PTAFR: variants seen among roughly 807,000 people sequenced by gnomAD.
The protein encoded by PTAFR is platelet activating factor receptor, also known as platelet-activating factor receptor.
A neutral mutation model predicts 14.7 loss-of-function variants in PTAFR; 8 were observed. The ratio of observed to expected loss-of-function variants is 0.54; its 90% confidence interval spans 0.32 to 0.98. The LOEUF (loss-of-function observed/expected upper bound fraction) is 0.98. Among genes scored for constraint, PTAFR ranks in the 50% least tolerant of loss-of-function variants. PTAFR has a pLI of 0.04. For synonymous variants in PTAFR, 156 were observed against 176.5 expected (o/e 0.88, Z 0.92); for missense variants, 337 against 451.2 (o/e 0.75, Z 2.29).
At chr1:28,169,865 T>C (rs1646432875) in intron 1 of PTAFR, among the ~76,000 whole-genome samples, 1 of 152,236 alleles carries the variant, frequency 6.6e-6, no homozygotes, top group South Asian at 2.1e-4. Context: ...CCAGGCATGG[T>C]GGTGCATGCC....
In PTAFR at chr1:28,150,977, G is replaced by A. The variant is rs1179725975; in HGVS notation, c.45C>T (p.Tyr15=). The change falls in exon 2 of 2, where the codon TAC becomes TAT. Residue 15 remains tyrosine, a synonymous_variant. Coordinates refer to ENST00000373857, the MANE Select transcript of PTAFR (RefSeq NM_000952.5). This position sits in a 1 kb window ranked among gnomAD's most constrained non-coding sequence, Gnocchi z 6.3. ...DSSHMDSEFR[Y]TLFPIVYSII... Reference sequence around the variant, plus strand: ...TGCTGTAAACAATCGGGAAGAGAGTGTATCGGAACTCAGAGTCCATGTGGG... The same window carrying A: ...TGCTGTAAACAATCGGGAAGAGAGTATATCGGAACTCAGAGTCCATGTGGG... 3 of 1,611,104 alleles carry A rather than the reference G, an allele frequency of 1.9e-6. No individual in the cohort carries two copies. The highest frequency in any genetic ancestry group is 1.7e-5 in the Admixed American group (1 of 59,834).
intron 1 of PTAFR, among the ~76,000 whole-genome samples, chr1:28,153,215 C>T (rs1056897377): frequency 9.9e-5 from 15 of 152,134 alleles, no homozygotes; most frequent in Admixed American, 4.6e-4. Flanking sequence ...GCAGAAGGAT[C>T]GCTTGACCAG....
chr1:28,152,440 A>C (rs1240494357), intron 1 of PTAFR, among the ~76,000 whole-genome samples: 1 of 152,044 alleles, frequency 6.6e-6, no homozygotes, highest in Non-Finnish European at 1.5e-5. Context: ...CTGTCTGTAC[A>C]AAAACACAAA....
At chr1:28,162,829 C>CAAAAA (rs529755155) in intron 1 of PTAFR, among the ~76,000 whole-genome samples, 4 of 59,134 alleles carry the variant, frequency 6.8e-5, no homozygotes, top group African/African-American at 6.7e-5. Flanking sequence ...ACTTTGTCTC[C>CAAAAA]AAAAAAAAAA....
chr1:28,161,282 G>A (rs1646320635), intron 1 of PTAFR, among the ~76,000 whole-genome samples: 1 of 152,108 alleles, frequency 6.6e-6, no homozygotes, highest in Admixed American at 6.5e-5. Flanking sequence ...CAGAGACAAT[G>A]TCCATGCATT....
At chr1:28,151,273 G>A (rs191213351) in intron 1 of PTAFR, among the ~76,000 whole-genome samples, 15 of 151,814 alleles carry the variant, frequency 9.9e-5, no homozygotes, top group Middle Eastern at 3.4e-3. Context: ...TCCGCCTCCC[G>A]GGTTCAAGCG....
rs745882463 is a variant in PTAFR at position 28,149,781 on chromosome 1, C to T, written c.*212G>A. ...CATCAGTCACAGTTACTGTAGTATG[C>T]GCCCACAGGCGGATGAAGGGGCTCA... On this transcript the variant is annotated 3_prime_UTR_variant, in exon 2 of 2. Coordinates refer to ENST00000373857, the MANE Select transcript of PTAFR (RefSeq NM_000952.5). 12 of 592,706 alleles carry T rather than the reference C, an allele frequency of 2.0e-5. No individual in the cohort carries two copies. Among genetic ancestry groups the T allele is most frequent in the East Asian group, 8.7e-5 (3 of 34,322 alleles). 36.7% of individuals were successfully genotyped at this position (592,706 alleles called of 1,614,324 possible).
At chr1:28,151,481 T>C (rs1387455907) in intron 1 of PTAFR, among the ~76,000 whole-genome samples, 1 of 151,970 alleles carries the variant, frequency 6.6e-6, no homozygotes, top group Non-Finnish European at 1.5e-5. Flanking sequence ...CCCGGCCTCA[T>C]GTTGAATCTT....
At chr1:28,177,579 G>A (rs367616615), upstream of PTAFR, among the ~76,000 whole-genome samples, 6 of 152,220 alleles carry the variant, frequency 3.9e-5, no homozygotes, top group East Asian at 5.8e-4. Flanking sequence ...TGTTCATGCG[G>A]TTGATTTCTG....
chr1:28,162,049 T>C (rs889724163), intron 1 of PTAFR, among the ~76,000 whole-genome samples: 1 of 152,056 alleles, frequency 6.6e-6, no homozygotes, highest in Non-Finnish European at 1.5e-5. Flanking sequence ...TGGGATGTGA[T>C]CAGAGGACAC....
intron 1 of PTAFR, among the ~76,000 whole-genome samples, chr1:28,159,600 G>A (rs1646301244): frequency 6.6e-6 from 1 of 152,046 alleles, no homozygotes; most frequent in African/African-American, 2.4e-5. Context: ...CACTTTGGGA[G>A]GCCGAGGCAG....
exon 1 of PTAFR, chr1:28,193,799 C>G (rs546830455): frequency 1.2e-4 from 18 of 153,172 alleles, no homozygotes; most frequent in African/African-American, 4.1e-4. Context: ...GAGCATGTTT[C>G]CTGGACGGCT....
chr1:28,150,004 G>A lies in PTAFR; in HGVS notation c.1018C>T (p.Leu340Phe). ...CCTGGAAGCAGGGACTAATTTTTGAGGGAATTGCCAGGGATCTGGTTGAAT... is the reference window on the plus strand; with the variant it reads ...CCTGGAAGCAGGGACTAATTTTTGAAGGAATTGCCAGGGATCTGGTTGAAT... ...VPFNQIPGNS[L>F]KN The change falls in exon 2 of 2, where the codon CTC becomes TTC. Residue 340 changes from leucine to phenylalanine, a missense_variant. Transcript: ENST00000373857. The surrounding 1 kb of genome is among the most constrained non-coding windows in gnomAD (Gnocchi z 6.3). 1 of 1,611,644 alleles carries A rather than the reference G, an allele frequency of 6.2e-7. No homozygotes were observed. The highest frequency in any genetic ancestry group is 8.5e-7 in the Non-Finnish European group (1 of 1,178,362).
intron 1 of PTAFR, among the ~76,000 whole-genome samples, chr1:28,184,083 T>G (rs1264093883): frequency 2.8e-5 from 1 of 35,770 alleles, no homozygotes; most frequent in Non-Finnish European, 5.3e-5. Context: ...CATTAGTCTG[T>G]TTTTTTTTTT....
Position 28,149,984 on chromosome 1 carries a change from A to G in PTAFR, c.*9T>C. ...ATGGAGGAGAAGACTTCAGGCCTGG[A>G]AGCAGGGACTAATTTTTGAGGGAAT... On this transcript the variant is annotated 3_prime_UTR_variant, in exon 2 of 2. Transcript: ENST00000373857. The G allele has an allele frequency of 6.2e-7, 1 of 1,605,496 alleles. No homozygotes were observed. Among genetic ancestry groups the G allele is most frequent in the Non-Finnish European group, 8.5e-7 (1 of 1,175,140 alleles).
chr1:28,177,438 G>T (rs1646527190), upstream of PTAFR, among the ~76,000 whole-genome samples: 1 of 152,176 alleles, frequency 6.6e-6, no homozygotes. Flanking sequence ...GTGTTTTGTA[G>T]AGATAGGGTC....
chr1:28,180,892 G>A (rs576362010), upstream of PTAFR, among the ~76,000 whole-genome samples: 1 of 152,156 alleles, frequency 6.6e-6, no homozygotes, highest in African/African-American at 2.4e-5. Flanking sequence ...GAAGAAAAAA[G>A]AAAGGAAGAG....
At chr1:28,163,391 C>T (rs557262702) in intron 1 of PTAFR, among the ~76,000 whole-genome samples, 157 of 152,278 alleles carry the variant, frequency 1.0e-3, no homozygotes, top group South Asian at 3.7e-3. Flanking sequence ...TGTCGGGCAC[C>T]GAGGAATGAA....
upstream of PTAFR, among the ~76,000 whole-genome samples, chr1:28,178,279 G>C (rs1646534831): frequency 6.7e-6 from 1 of 150,012 alleles, no homozygotes; most frequent in Non-Finnish European, 1.5e-5. Context: ...TATTTTTTTT[G>C]AGACAGAGTC....
Sources: allele counts gnomAD v4.1 joint callset (sites outside exome capture counted in the v4.1 genomes callset), GRCh38; gene constraint gnomAD v4.1.1; non-coding constraint Gnocchi (gnomAD v3.1); transcripts MANE v1.5; gene names NCBI Gene and HGNC (gene_info 2026-07-23, HGNC 2026-07-21).